The following FOXP2 variants were observed in gnomAD, a reference collection of about 807,000 sequenced individuals.
FOXP2 encodes forkhead box protein P2.
In FOXP2, 12 loss-of-function variants were observed where a neutral mutation model predicts 115.8. That is an observed-to-expected ratio of 0.10 (90% confidence interval 0.07 to 0.17). FOXP2 has a LOEUF of 0.17. FOXP2 is among the 10% of genes least tolerant of loss of function. The probability of loss-of-function intolerance (pLI) is 1.00; values close to 1 mark genes in which losing one functional copy is unlikely to be tolerated. For synonymous variants in FOXP2, 328 were observed against 297.7 expected (o/e 1.10, Z -1.05); for missense variants, 629 against 843.5 (o/e 0.75, Z 3.15).
At chr7:114,672,044 T>A (rs1294855614) in intron 16 of FOXP2, among the ~76,000 whole-genome samples, 5 of 152,188 alleles carry the variant, frequency 3.3e-5, no homozygotes, top group Admixed American at 2.6e-4. Flanking sequence ...AAGCAACAGA[T>A]GATCAAATCA....
At chr7:114,635,775 T>C (rs949798055) in intron 6 of FOXP2, among the ~76,000 whole-genome samples, 3 of 152,144 alleles carry the variant, frequency 2.0e-5, no homozygotes, top group African/African-American at 7.2e-5. Flanking sequence ...CTTTACATCT[T>C]GAGAGGAAGA....
chr7:114,613,776 A>C (rs1803769439), intron 3 of FOXP2: 2 of 151,486 alleles, frequency 1.3e-5, no homozygotes, highest in Non-Finnish European at 2.9e-5. Flanking sequence ...TTTTTTTTAA[A>C]ATGTTTTTAA....
Position 114,531,053 on chromosome 7 carries a change from A to AC in FOXP2, c.169-3560dup, listed in dbSNP as rs1158418988. ...AGGATAACTTCATTAAGTAATGTGCACCCCTAATTAAAAACAAATGTGTTT... is the reference window on the plus strand; with the variant it reads ...AGGATAACTTCATTAAGTAATGTGCACCCCCTAATTAAAAACAAATGTGTTT... On this transcript the variant is annotated intron_variant, in intron 2 of 16. Transcript: ENST00000350908. 4.0e-5 allele frequency among the ~76,000 whole-genome samples: 6 copies of AC among 151,860 alleles called. No homozygotes were observed. In the East Asian group the frequency reaches 9.7e-4, roughly 24 times the overall value.
At chr7:114,426,473 G>A (rs1793854993) in intron 1 of FOXP2, 29 bp from the exon 2 acceptor site, 1 of 1,604,528 alleles carries the variant, frequency 6.2e-7, no homozygotes, top group Non-Finnish European at 8.5e-7. Flanking sequence ...TGTAACGTGT[G>A]TTAATTGATA....
intron 2 of FOXP2, among the ~76,000 whole-genome samples, chr7:114,374,587 C>G (rs181955240): frequency 1.3e-5 from 2 of 152,174 alleles, no homozygotes; most frequent in East Asian, 3.9e-4. Context: ...AGCTTGTATC[C>G]AGCGGAATTA....
intron 3 of FOXP2, among the ~76,000 whole-genome samples, chr7:114,553,530 C>A (rs1800311099): frequency 6.6e-6 from 1 of 152,098 alleles, no homozygotes; most frequent in African/African-American, 2.4e-5. Flanking sequence ...AAATAAATAA[C>A]ATCTTTAGAA....
chr7:114,422,405 G>A (rs970069589), intron 1 of FOXP2, among the ~76,000 whole-genome samples: 5 of 151,612 alleles, frequency 3.3e-5, no homozygotes, highest in East Asian at 1.9e-4. Context: ...TAATATTAAG[G>A]CACTAAGATT....
intron 2 of FOXP2, among the ~76,000 whole-genome samples, chr7:114,471,003 C>T (rs894073566): frequency 6.6e-6 from 1 of 152,122 alleles, no homozygotes; most frequent in Non-Finnish European, 1.5e-5. Context: ...CTGAAGCTTT[C>T]CCTTGTTCTC....
At chr7:114,094,439 A>C (rs928601687) in intron 1 of FOXP2, among the ~76,000 whole-genome samples, 1 of 152,206 alleles carries the variant, frequency 6.6e-6, no homozygotes, top group Non-Finnish European at 1.5e-5. Context: ...CGTCTTGAGA[A>C]TATGAAAAGG....
At chr7:114,188,783 A>C (rs1023272811) in intron 1 of FOXP2, among the ~76,000 whole-genome samples, 15 of 152,294 alleles carry the variant, frequency 9.8e-5, no homozygotes, top group Admixed American at 4.6e-4. Flanking sequence ...GTCTTGTTCA[A>C]ACTGTCATAA....
intron 1 of FOXP2, among the ~76,000 whole-genome samples, chr7:114,142,241 C>A (rs981629267): frequency 6.6e-6 from 1 of 152,142 alleles, no homozygotes; most frequent in Non-Finnish European, 1.5e-5. Flanking sequence ...CCAGGCTAAT[C>A]TCGAACTCCT....
At chr7:114,241,584 A>G (rs1795153614) in intron 1 of FOXP2, among the ~76,000 whole-genome samples, 2 of 152,054 alleles carry the variant, frequency 1.3e-5, no homozygotes, top group African/African-American at 4.8e-5. Flanking sequence ...GATGGTTGAG[A>G]AAGGCATTTT....
intron 6 of FOXP2, among the ~76,000 whole-genome samples, chr7:114,635,419 C>A (rs1052782523): frequency 6.6e-6 from 1 of 152,038 alleles, no homozygotes; most frequent in Non-Finnish European, 1.5e-5. Flanking sequence ...CAAAGTTTTC[C>A]ATTTGTAACT....
At chr7:114,195,756 A>G (rs922008789) in intron 1 of FOXP2, among the ~76,000 whole-genome samples, 14 of 152,128 alleles carry the variant, frequency 9.2e-5, no homozygotes, top group African/African-American at 3.4e-4. Flanking sequence ...GAAAGGGCTT[A>G]CTAAGTTGAT....
At chr7:114,466,760 C>T (rs1369922923) in intron 2 of FOXP2, among the ~76,000 whole-genome samples, 1 of 152,080 alleles carries the variant, frequency 6.6e-6, no homozygotes, top group African/African-American at 2.4e-5. Context: ...AATTTTGTAA[C>T]TAATGTAACA....
intron 3 of FOXP2, among the ~76,000 whole-genome samples, chr7:114,551,784 T>TC (rs1800222608): frequency 6.6e-6 from 1 of 152,304 alleles, no homozygotes; most frequent in East Asian, 1.9e-4. Context: ...TATTTATTTT[T>TC]CTTCATTACT....
At position 114,278,025 on chromosome 7, in the gene FOXP2, TAA is replaced by T. The variant is rs1198719493; in HGVS notation, c.-101-9972_-101-9971del. On this transcript the variant is annotated intron_variant, in intron 1 of 17. Coordinates refer to the FOXP2 transcript ENST00000634411. ...CTGGGCGAAAGAGTGAGACCTTGTCTAAAAAAAAAAAAAAAAAAAAAAAGAAT... is the reference window on the plus strand; with the variant it reads ...CTGGGCGAAAGAGTGAGACCTTGTCTAAAAAAAAAAAAAAAAAAAAAGAAT... Among the ~76,000 whole-genome samples, 427 of 76,226 alleles carry T rather than the reference TAA, an allele frequency of 5.6e-3. 1 individual carries two copies. Among genetic ancestry groups the T allele is most frequent in the African/African-American group, 0.019 (369 of 19,546 alleles). 50.0% of individuals were successfully genotyped at this position (76,226 alleles called of 152,430 possible). A position where few individuals can be genotyped will look rare whatever the true frequency, so the allele number is the denominator to read the frequency against.
intron 2 of FOXP2, among the ~76,000 whole-genome samples, chr7:114,509,495 A>G (rs1392481515): frequency 6.6e-6 from 1 of 152,022 alleles, no homozygotes; most frequent in Admixed American, 6.6e-5. Context: ...AAGTGGTATA[A>G]AGTTTTATAA....
At chr7:114,287,472 A>AG (rs1796494464) in intron 1 of FOXP2, among the ~76,000 whole-genome samples, 1 of 151,954 alleles carries the variant, frequency 6.6e-6, no homozygotes, top group Admixed American at 6.6e-5. Context: ...GAAACTAGAA[A>AG]ACGAGAGTAG....
Sources: allele counts gnomAD v4.1 joint callset (sites outside exome capture counted in the v4.1 genomes callset), GRCh38; gene constraint gnomAD v4.1.1; transcripts MANE v1.5; gene names NCBI Gene and HGNC (gene_info 2026-07-23, HGNC 2026-07-21).